The following PTGES2 variants were observed in gnomAD, a reference collection of about 807,000 sequenced individuals.
The protein encoded by PTGES2 is prostaglandin E synthase 2, also known as GATE-binding factor 1.
Under a neutral mutation model 44.5 loss-of-function variants are expected in PTGES2, and 35 were observed. That is an observed-to-expected ratio of 0.79 (90% CI 0.60 to 1.04). The LOEUF (loss-of-function observed/expected upper bound fraction) is 1.04, where lower values mean the gene tolerates loss of function less well. Ranked by LOEUF, PTGES2 falls within the 50% of genes least tolerant of loss-of-function variation. The pLI is 0.00. For missense variants in PTGES2, 517 were observed against 521.4 expected (o/e 0.99, Z 0.08); for synonymous variants, 221 against 227.5 (o/e 0.97, Z 0.26).
Position 128,120,994 on chromosome 9 carries a change from T to C in PTGES2, c.*151A>G, listed in dbSNP as rs1834386130. The C allele has an allele frequency of 3.0e-6, 3 of 1,002,396 alleles. No homozygotes were observed. The highest frequency in any genetic ancestry group is 5.5e-5 in the Admixed American group (2 of 36,148). 62.1% of individuals were successfully genotyped at this position (1,002,396 alleles called of 1,614,324 possible). ...CATCCCTGAGCCCCAGCAGGTGCCC[T>C]GTGTTAGAAGCGAGAGGGCTGGTGG... On this transcript the variant is annotated 3_prime_UTR_variant, in exon 7 of 7. Coordinates refer to ENST00000338961, the MANE Select transcript of PTGES2 (RefSeq NM_025072.7).
chr9:128,127,689 G>A lies in PTGES2; in HGVS notation c.29C>T (p.Ala10Val), dbSNP rs1055918917. The A allele has an allele frequency of 2.3e-6, 3 of 1,288,314 alleles. No homozygotes were observed. The highest frequency in any genetic ancestry group is 2.9e-6 in the Non-Finnish European group (3 of 1,018,122). The allele number at this position is 1,288,314 out of a possible 1,614,324, so 79.8% of individuals were successfully genotyped here. Reference sequence around the variant, plus strand: ...CAAGGCGCACCCACCAGGCCACAGCGCCCGCACCACCCGCGCAGCCGGGTC... The same window carrying A: ...CAAGGCGCACCCACCAGGCCACAGCACCCGCACCACCCGCGCAGCCGGGTC... MDPAARVVR[A>V]LWPGGCALAW... The change falls in exon 1 of 7, where the codon GCG (alanine) becomes GTG (valine). Residue 10 changes from alanine (A) to valine (V), a missense_variant. By Grantham distance (64) the Ala-to-Val change is moderately conservative. Coordinates refer to ENST00000338961, the MANE Select transcript of PTGES2 (RefSeq NM_025072.7).
chr9:128,124,212 T>C (rs983943426), intron 3 of PTGES2: 35 of 370,244 alleles, frequency 9.5e-5, no homozygotes, highest in Middle Eastern at 1.6e-3. Flanking sequence ...GCCTCCTGAG[T>C]AGCTGGGACT....
chr9:128,125,518 G>T, intron 1 of PTGES2, 77 bp from the exon 2 acceptor site: 1 of 1,368,646 alleles, frequency 7.3e-7, no homozygotes, highest in East Asian at 2.3e-5. Context: ...GTGTTTTCCA[G>T]AGGAGTCTTC....
rs529545715 is a variant in PTGES2, at chr9:128,123,406, C to T, written c.687-272G>A. Among the ~76,000 whole-genome samples the T allele has an allele frequency of 1.3e-5, 2 of 152,234 alleles. No homozygotes were observed. The highest frequency in any genetic ancestry group is 4.1e-4 in the South Asian group (2 of 4,822). ...GGATTATAGGTGTGTGCCTCCACACCTAGCTAATTTTTGCATTTTTATAGA... is the reference window on the plus strand; with the variant it reads ...GGATTATAGGTGTGTGCCTCCACACTTAGCTAATTTTTGCATTTTTATAGA... On this transcript the variant is annotated intron_variant, in intron 4 of 6. Transcript: ENST00000338961. The surrounding 1 kb of genome is among the most constrained non-coding windows in gnomAD (Gnocchi z 4.4).
chr9:128,123,253 T>C lies in PTGES2; in HGVS notation c.687-119A>G. On this transcript the variant is annotated intron_variant, in intron 4 of 6. Coordinates refer to ENST00000338961, the MANE Select transcript of PTGES2 (RefSeq NM_025072.7). This position sits in a 1 kb window ranked among gnomAD's most constrained non-coding sequence, Gnocchi z 4.4. ...GCTGAAGCCTGAGCAGGAAGGTCTT[T>C]TTTTTTTTTTTGAGACAAAGTCTCG... The C allele has an allele frequency of 1.6e-6, 1 of 633,020 alleles. No homozygotes were observed. Among genetic ancestry groups the C allele is most frequent in the Non-Finnish European group, 2.4e-6 (1 of 422,430 alleles). The allele number at this position is 633,020 out of a possible 1,614,324, so 39.2% of individuals were successfully genotyped here. A position where few individuals can be genotyped will look rare whatever the true frequency, so the allele number is the denominator to read the frequency against.
At chr9:128,128,173 T>C, upstream of PTGES2, 1 of 375,292 alleles carries the variant, frequency 2.7e-6, no homozygotes, top group East Asian at 7.7e-5. Context: ...CGGCACCAGG[T>C]GTTGCGGTTC....
rs1834665437 is a variant in PTGES2, at chr9:128,127,357, C to T, written c.279+82G>A. ...GCCCAAGGTCACAAGCAGGCAGAGG[C>T]AACTCCTGACCCTGCGGGTTCCCAG... On this transcript the variant is annotated intron_variant, in intron 1 of 6. Coordinates refer to ENST00000338961, the MANE Select transcript of PTGES2 (RefSeq NM_025072.7). 9 of 1,209,452 alleles carry T rather than the reference C, an allele frequency of 7.4e-6. No homozygotes were observed. In the African/African-American group the frequency reaches 1.1e-4, roughly 15 times the overall value. The allele number at this position is 1,209,452 out of a possible 1,614,324, so 74.9% of individuals were successfully genotyped here. A position where few individuals can be genotyped will look rare whatever the true frequency, so the allele number is the denominator to read the frequency against.
In PTGES2 at chr9:128,125,457, G is replaced by A. The variant is rs745362293; in HGVS notation, c.280-16C>T. ...ACAGGGAGAGCTGCGGGCAGCAGAC[G>A]GAAAAGGCTTCTAGACCTGGCACCC... On this transcript the variant is annotated splice_polypyrimidine_tract_variant and intron_variant, in intron 1 of 6. Transcript: ENST00000338961. The A allele has an allele frequency of 4.2e-5, 68 of 1,613,062 alleles. No homozygotes were observed. In the East Asian group the frequency reaches 1.4e-3, roughly 33 times the overall value.
chr9:128,125,311 C>T lies in PTGES2; in HGVS notation c.410G>A (p.Arg137Lys). Residue 137 changes from arginine (R) to lysine (K), a missense_variant, in exon 2 of 7, where the codon AGG (arginine) becomes AAG (lysine). Physicochemically the swap from Arg to Lys is conservative, Grantham distance 26. Transcript: ENST00000338961. ...GTAGGAGGAGAACTTGATCTCAGCC[C>T]TGCGCACAGGGTTCACCTCCACCAC... ...YQVVEVNPVR[R>K]AEIKFSSYRK... The T allele has an allele frequency of 6.2e-7, 1 of 1,613,926 alleles. No homozygotes were observed. The highest frequency in any genetic ancestry group is 8.5e-7 in the Non-Finnish European group (1 of 1,179,910).
chr9:128,125,826 T>G (rs1834598359), intron 1 of PTGES2, among the ~76,000 whole-genome samples: 1 of 152,188 alleles, frequency 6.6e-6, no homozygotes, highest in Non-Finnish European at 1.5e-5. Flanking sequence ...CTCTCACTCC[T>G]CTAACCCCAG....
At chr9:128,121,612 G>A (rs2130846043) in intron 6 of PTGES2, among the ~76,000 whole-genome samples, 1 of 152,246 alleles carries the variant, frequency 6.6e-6, no homozygotes, top group East Asian at 1.9e-4. Context: ...GGGCAGGACA[G>A]TTTTAAAAAT....
intron 1 of PTGES2, among the ~76,000 whole-genome samples, chr9:128,127,010 C>A (rs1290836915): frequency 6.6e-6 from 1 of 151,484 alleles, no homozygotes; most frequent in Non-Finnish European, 1.5e-5. Context: ...GAAACCCTAT[C>A]TCTACAAAAA....
Position 128,121,004 on chromosome 9 carries a change from G to A in PTGES2, c.*141C>T. 4.5e-6 allele frequency: 5 copies of A among 1,108,196 alleles called. No homozygotes were observed. The highest frequency in any genetic ancestry group is 6.4e-6 in the Non-Finnish European group (5 of 782,134). The allele number at this position is 1,108,196 out of a possible 1,614,324, so 68.6% of individuals were successfully genotyped here. A position where few individuals can be genotyped will look rare whatever the true frequency, so the allele number is the denominator to read the frequency against. On this transcript the variant is annotated 3_prime_UTR_variant, in exon 7 of 7. Coordinates refer to ENST00000338961, the MANE Select transcript of PTGES2 (RefSeq NM_025072.7). ...CCCCAGCAGGTGCCCTGTGTTAGAA[G>A]CGAGAGGGCTGGTGGGGGTGCGTGG...
At chr9:128,122,710 A>G in intron 5 of PTGES2, 1 of 635,476 alleles carries the variant, frequency 1.6e-6, no homozygotes, top group Non-Finnish European at 2.7e-6. Context: ...GTCAGGGCCC[A>G]GGCTTCCGGC....
chr9:128,123,188 G>C lies in PTGES2; in HGVS notation c.687-54C>G. The C allele has an allele frequency of 1.9e-6, 3 of 1,559,026 alleles. No individual in the cohort carries two copies. Among genetic ancestry groups the C allele is most frequent in the Non-Finnish European group, 2.6e-6 (3 of 1,147,044 alleles). On this transcript the variant is annotated intron_variant, in intron 4 of 6. Transcript: ENST00000338961. This position sits in a 1 kb window ranked among gnomAD's most constrained non-coding sequence, Gnocchi z 4.4. ...CAGGACCCGGGCTGTGTTGGGAGCA[G>C]GCTGCATTCTCTAGAACATACCCAC...
Position 128,125,426 on chromosome 9 carries a change from G to T in PTGES2, c.295C>A (p.Arg99Ser). The stretch of plus-strand genomic sequence containing the variant: ...TACTGGTACAGGGTCAGCTGCAGGC[G>T]GCTGGACAGGGAGAGCTGCGGGCAG... ...RSAAQLSLSSRLQLTLYQYKT... is the reference protein window; with the variant it reads ...RSAAQLSLSSSLQLTLYQYKT... The change falls in exon 2 of 7, where the codon CGC becomes AGC. Residue 99 changes from arginine to serine, a missense_variant. Transcript: ENST00000338961. 1.2e-6 allele frequency: 2 copies of T among 1,613,976 alleles called. No individual in the cohort carries two copies. Among genetic ancestry groups the T allele is most frequent in the Middle Eastern group, 1.7e-4 (1 of 6,030 alleles).
chr9:128,124,085 ATT>A (rs59897123), intron 3 of PTGES2, among the ~76,000 whole-genome samples: 5 of 139,924 alleles, frequency 3.6e-5, no homozygotes, highest in East Asian at 2.0e-4. Flanking sequence ...CTGGAAAATC[ATT>A]TTTTTTTTTT....
At chr9:128,122,546 C>T in intron 5 of PTGES2, 67 bp from the exon 6 acceptor site, 1 of 1,393,472 alleles carries the variant, frequency 7.2e-7, no homozygotes, top group Non-Finnish European at 1.0e-6. Flanking sequence ...AAGAGGGTCT[C>T]CTCTGGGGAG....
chr9:128,128,131 C>A, upstream of PTGES2: 1 of 361,336 alleles, frequency 2.8e-6, no homozygotes, highest in South Asian at 2.1e-5. Flanking sequence ...CCGCGACTTC[C>A]GGCCACTGAA....
Sources: allele counts gnomAD v4.1 joint callset (sites outside exome capture counted in the v4.1 genomes callset), GRCh38; gene constraint gnomAD v4.1.1; non-coding constraint Gnocchi (gnomAD v3.1); transcripts MANE v1.5; gene names NCBI Gene and HGNC (gene_info 2026-07-23, HGNC 2026-07-21).